Variants in SSBP3 observed in about 807,000 individuals in gnomAD.
The protein encoded by SSBP3 is single-stranded DNA-binding protein 3.
Under a neutral mutation model 69.6 loss-of-function variants are expected in SSBP3, and 5 were observed. The observed-to-expected ratio is 0.07, with a 90% CI of 0.04 to 0.15. SSBP3 has a LOEUF of 0.15. Among genes scored for constraint, SSBP3 ranks in the 10% least tolerant of loss-of-function variants. The pLI is 1.00. For synonymous variants in SSBP3, 196 were observed against 193.4 expected, an observed-to-expected ratio of 1.01 and a Z score of -0.11; for missense variants, 312 against 534.0, an observed-to-expected ratio of 0.58 and a Z score of 4.10.
At chr1:54,274,023 G>A (rs1257680778) in intron 5 of SSBP3, among the ~76,000 whole-genome samples, 1 of 152,218 alleles carries the variant, frequency 6.6e-6, no homozygotes, top group African/African-American at 2.4e-5. Flanking sequence ...GGAGCTGGAG[G>A]GGGTGGTGCT....
At position 54,398,000 on chromosome 1, in the gene SSBP3, C is replaced by T. The variant is rs145995782; in HGVS notation, c.276+3861G>A. Among the ~76,000 whole-genome samples, 178 of 152,292 alleles carry T rather than the reference C, an allele frequency of 1.2e-3. 1 individual carries two copies. The highest frequency in any genetic ancestry group is 3.8e-3 in the African/African-American group (157 of 41,568). On this transcript the variant is annotated intron_variant, in intron 4 of 17. Coordinates refer to ENST00000610401, the Ensembl canonical transcript of SSBP3. ...GTCGGGGGGCACCAACCAGCATACC[C>T]GGTGCCAGGTATGCTTCAGGTCAAC...
intron 5 of SSBP3, among the ~76,000 whole-genome samples, chr1:54,276,600 C>G (rs184958848): frequency 1.3e-5 from 1 of 77,628 alleles, no homozygotes; most frequent in East Asian, 4.2e-4. Flanking sequence ...CAGAGTGAGA[C>G]TCTGTCTCAA....
intron 6 of SSBP3, 95 bp from the exon 7 acceptor site, chr1:54,257,281 A>G: frequency 8.9e-7 from 1 of 1,119,142 alleles, no homozygotes; most frequent in Non-Finnish European, 1.2e-6. Flanking sequence ...GTTTTGTTAT[A>G]ACTAGTGATC....
chr1:54,328,066 G>A (rs546428406), intron 4 of SSBP3, among the ~76,000 whole-genome samples: 24 of 152,246 alleles, frequency 1.6e-4, no homozygotes, highest in African/African-American at 5.8e-4. Flanking sequence ...GCGACTCTAG[G>A]GAGTGGGAGG....
chr1:54,290,759 G>A (rs1411662611), intron 4 of SSBP3, among the ~76,000 whole-genome samples: 2 of 152,254 alleles, frequency 1.3e-5, no homozygotes, highest in Non-Finnish European at 2.9e-5. Context: ...CCATGGCACA[G>A]GACGCAGGTC....
intron 4 of SSBP3, among the ~76,000 whole-genome samples, chr1:54,397,195 C>T (rs1439479600): frequency 6.6e-6 from 1 of 152,250 alleles, no homozygotes; most frequent in Non-Finnish European, 1.5e-5. Context: ...TATCACAGGG[C>T]AGCACACTCC....
intron 7 of SSBP3, among the ~76,000 whole-genome samples, chr1:54,253,893 G>T (rs1336478652): frequency 1.3e-5 from 2 of 152,214 alleles, no homozygotes; most frequent in Non-Finnish European, 1.5e-5. Context: ...GCTCCTCCTT[G>T]GATTCCTCTA....
chr1:54,362,476 A>G (rs10888848), intron 4 of SSBP3, among the ~76,000 whole-genome samples: 34,618 of 152,172 alleles, frequency 0.23, 4,655 homozygotes, highest in African/African-American at 0.37. Context: ...AAATGGGATC[A>G]GAGGTACCCA....
intron 15 of SSBP3, 64 bp downstream of exon 15, chr1:54,228,684 G>A: frequency 1.3e-6 from 2 of 1,530,410 alleles, no homozygotes; most frequent in Non-Finnish European, 1.8e-6. Flanking sequence ...GCTGAGCCAG[G>A]AGCTGAGGCA....
At chr1:54,363,482 T>A (rs1646981456) in intron 4 of SSBP3, among the ~76,000 whole-genome samples, 1 of 152,220 alleles carries the variant, frequency 6.6e-6, no homozygotes, top group Non-Finnish European at 1.5e-5. Context: ...ATCGGACAGT[T>A]ATAAATTAGA....
chr1:54,302,236 G>A (rs1557511985), intron 4 of SSBP3, among the ~76,000 whole-genome samples: 1 of 152,186 alleles, frequency 6.6e-6, no homozygotes, highest in Non-Finnish European at 1.5e-5. Context: ...CCCTGCCCCC[G>A]GTGCTTAGTT....
intron 10 of SSBP3, chr1:54,243,023 C>T: frequency 1.7e-6 from 1 of 578,218 alleles, no homozygotes; most frequent in Non-Finnish European, 3.1e-6. Context: ...CTGATGCACG[C>T]AGCATGCCTG....
intron 7 of SSBP3, among the ~76,000 whole-genome samples, chr1:54,256,681 TC>T (rs967312994): frequency 1.9e-4 from 29 of 151,846 alleles, no homozygotes; most frequent in African/African-American, 5.1e-4. Context: ...ACGGGCCATT[TC>T]CCCCCCTAAT....
chr1:54,329,437 G>C (rs1646368605), intron 4 of SSBP3, among the ~76,000 whole-genome samples: 1 of 152,172 alleles, frequency 6.6e-6, no homozygotes, highest in South Asian at 2.1e-4. Context: ...AAGGATTACT[G>C]CATGTGACAG....
intron 17 of SSBP3, among the ~76,000 whole-genome samples, chr1:54,227,571 G>A (rs1370305476): frequency 1.3e-5 from 2 of 152,044 alleles, no homozygotes; most frequent in Admixed American, 6.6e-5. Flanking sequence ...GGGCCAGTCT[G>A]GGATTCTTTT....
intron 4 of SSBP3, among the ~76,000 whole-genome samples, chr1:54,347,931 T>C (rs1646715796): frequency 1.3e-5 from 2 of 152,312 alleles, no homozygotes; most frequent in South Asian, 4.1e-4. Context: ...TGGTACTTTG[T>C]TACTGCGTCT....
intron 4 of SSBP3, among the ~76,000 whole-genome samples, chr1:54,392,891 C>G (rs946269216): frequency 6.6e-6 from 1 of 152,196 alleles, no homozygotes. Context: ...AGGAGAGTTA[C>G]AGAGTTAGTT....
At chr1:54,263,827 G>T (rs555548513) in intron 5 of SSBP3, among the ~76,000 whole-genome samples, 97 of 152,298 alleles carry the variant, frequency 6.4e-4, no homozygotes, top group African/African-American at 2.3e-3. Flanking sequence ...ATGGGCAAGG[G>T]GCAAGACCCA....
chr1:54,366,173 C>T (rs1316287890), intron 4 of SSBP3, among the ~76,000 whole-genome samples: 1 of 152,232 alleles, frequency 6.6e-6, no homozygotes, highest in Non-Finnish European at 1.5e-5. Context: ...CTGCTGCTAA[C>T]ACCCCTCTGA....
Sources: gnomAD v4.1 joint callset for allele counts (sites outside exome capture counted in the v4.1 genomes callset) on GRCh38, gnomAD v4.1.1 for gene constraint, MANE v1.5 for transcripts, NCBI Gene and HGNC (gene_info 2026-07-23, HGNC 2026-07-21) for gene names.